The following WSCD2 variants were observed in gnomAD, a reference collection of about 807,000 sequenced individuals.
WSCD2 encodes WSC domain sialate O sulfotransferase 2.
Under a neutral mutation model 55.7 loss-of-function variants are expected in WSCD2, and 28 were observed. That is an observed-to-expected ratio of 0.50 (90% CI 0.37 to 0.69). The LOEUF (loss-of-function observed/expected upper bound fraction) is 0.69. WSCD2 is among the 30% of genes least tolerant of loss of function. The pLI is 0.00. For missense variants in WSCD2, 616 were observed against 762.1 expected (o/e 0.81, Z 2.26); for synonymous variants, 301 against 301.9 (o/e 1.00, Z 0.03).
At chr12:108,231,915 G>A (rs528208587) in intron 6 of WSCD2, among the ~76,000 whole-genome samples, 1 of 152,142 alleles carries the variant, frequency 6.6e-6, no homozygotes, top group Admixed American at 6.5e-5. Context: ...GAAGGAAAGA[G>A]GGAAGGAAGA....
At chr12:108,181,013 T>A (rs1592950008) in intron 1 of WSCD2, among the ~76,000 whole-genome samples, 1 of 151,846 alleles carries the variant, frequency 6.6e-6, no homozygotes, top group African/African-American at 2.4e-5. Context: ...TGCAGGGGAG[T>A]CCGGATTCAA....
intron 1 of WSCD2, among the ~76,000 whole-genome samples, chr12:108,180,313 G>T (rs578196365): frequency 4.6e-5 from 7 of 152,138 alleles, no homozygotes; most frequent in Admixed American, 1.3e-4. Flanking sequence ...GCCGCCCCCC[G>T]CAGTGGAGAA....
intron 4 of WSCD2, among the ~76,000 whole-genome samples, chr12:108,221,536 T>C (rs1887519011): frequency 6.6e-6 from 1 of 152,144 alleles, no homozygotes; most frequent in Non-Finnish European, 1.5e-5. Flanking sequence ...ATCCTCTGGG[T>C]GACCTTACAG....
intron 1 of WSCD2, among the ~76,000 whole-genome samples, chr12:108,143,037 C>G (rs1289601772): frequency 6.6e-6 from 1 of 152,184 alleles, no homozygotes; most frequent in East Asian, 1.9e-4. Context: ...TGGTCTCAAA[C>G]TCCTCGCCTC....
At chr12:108,199,707 A>G (rs1430476482) in intron 2 of WSCD2, among the ~76,000 whole-genome samples, 1 of 152,238 alleles carries the variant, frequency 6.6e-6, no homozygotes, top group Non-Finnish European at 1.5e-5. Flanking sequence ...ATAGTAATGA[A>G]GGAAGATAGA....
intron 2 of WSCD2, among the ~76,000 whole-genome samples, chr12:108,201,952 G>A (rs111962291): frequency 6.6e-4 from 100 of 152,274 alleles, no homozygotes; most frequent in African/African-American, 2.3e-3. Flanking sequence ...TCTTCAGACC[G>A]CTGTGGAGAT....
At chr12:108,224,645 C>T in intron 4 of WSCD2, 94 bp from the exon 5 acceptor site, 1 of 1,512,252 alleles carries the variant, frequency 6.6e-7, no homozygotes, top group Non-Finnish European at 8.8e-7. Flanking sequence ...GGGCAAGACT[C>T]TTGCCTTCTC....
intron 8 of WSCD2, among the ~76,000 whole-genome samples, chr12:108,241,135 T>C (rs778636842): frequency 1.3e-5 from 2 of 152,142 alleles, no homozygotes; most frequent in Non-Finnish European, 2.9e-5. Context: ...TCCCAGGAAC[T>C]CTGGGTGGCG....
intron 1 of WSCD2, among the ~76,000 whole-genome samples, chr12:108,190,220 G>A (rs1284698659): frequency 6.6e-6 from 1 of 152,176 alleles, no homozygotes. Context: ...AGTGACTTCT[G>A]ATATTTTTAT....
In WSCD2 at chr12:108,130,475, G is replaced by T. The variant is rs956166606; in HGVS notation, c.-552+549G>T. On this transcript the variant is annotated intron_variant, in intron 1 of 8. Coordinates refer to ENST00000547525, the MANE Select transcript of WSCD2 (RefSeq NM_014653.4). ...GCAGATTTGCTTATGTCCATTCTGG[G>T]GTGTGTGTGTGTGTGTGTGTGTGTG... 1.2e-4 allele frequency among the ~76,000 whole-genome samples: 16 copies of T among 134,512 alleles called. No individual in the cohort carries two copies. The South Asian group carries it at 4.0e-3, about 34-fold the overall frequency. The allele number at this position is 134,512 out of a possible 152,430, so 88.2% of individuals were successfully genotyped here.
intron 1 of WSCD2, among the ~76,000 whole-genome samples, chr12:108,173,255 C>T (rs1383568934): frequency 6.6e-6 from 1 of 152,176 alleles, no homozygotes; most frequent in Non-Finnish European, 1.5e-5. Context: ...ATCCCAGACC[C>T]TCCCACCAGC....
At chr12:108,133,732 C>T (rs879844810) in intron 1 of WSCD2, among the ~76,000 whole-genome samples, 11 of 152,304 alleles carry the variant, frequency 7.2e-5, no homozygotes, top group South Asian at 2.1e-4. Context: ...CTCCAAAGCC[C>T]GGTGTATCCC....
chr12:108,235,595 T>C (rs1889191643), intron 7 of WSCD2, among the ~76,000 whole-genome samples: 1 of 152,180 alleles, frequency 6.6e-6, no homozygotes, highest in African/African-American at 2.4e-5. Flanking sequence ...GCAATATTAA[T>C]TGGTCATTAA....
chr12:108,140,629 T>C (rs1876697112), intron 1 of WSCD2, among the ~76,000 whole-genome samples: 1 of 152,176 alleles, frequency 6.6e-6, no homozygotes, highest in African/African-American at 2.4e-5. Context: ...TGCTGGGGAT[T>C]GAGGTGTCAG....
chr12:108,139,423 G>A (rs1876552952), intron 1 of WSCD2, among the ~76,000 whole-genome samples: 1 of 152,184 alleles, frequency 6.6e-6, no homozygotes, highest in Non-Finnish European at 1.5e-5. Flanking sequence ...CCTAGGAAGA[G>A]TTTTCCCAGC....
At chr12:108,131,784 C>G (rs758450338) in intron 1 of WSCD2, 13 of 152,324 alleles carry the variant, frequency 8.5e-5, no homozygotes, top group Admixed American at 2.6e-4. Flanking sequence ...CCAGCCACTC[C>G]TAGTGGGGAG....
intron 4 of WSCD2, among the ~76,000 whole-genome samples, chr12:108,222,785 T>G (rs1483339175): frequency 6.6e-6 from 1 of 152,160 alleles, no homozygotes; most frequent in Non-Finnish European, 1.5e-5. Flanking sequence ...AAAATACATA[T>G]TCATTGTAGA....
chr12:108,154,102 G>A (rs1878294129), intron 1 of WSCD2, among the ~76,000 whole-genome samples: 1 of 152,150 alleles, frequency 6.6e-6, no homozygotes, highest in Non-Finnish European at 1.5e-5. Context: ...AGGGCCCCCT[G>A]AGTGTCCTCA....
At chr12:108,197,408 G>A (rs1884066402) in intron 2 of WSCD2, among the ~76,000 whole-genome samples, 1 of 151,962 alleles carries the variant, frequency 6.6e-6, no homozygotes, top group Non-Finnish European at 1.5e-5. Context: ...CTCACAGGGA[G>A]GCAAAGGAGA....
Sources: allele counts gnomAD v4.1 joint callset (sites outside exome capture counted in the v4.1 genomes callset), GRCh38; gene constraint gnomAD v4.1.1; transcripts MANE v1.5; gene names NCBI Gene and HGNC (gene_info 2026-07-23, HGNC 2026-07-21).